Variants in CELF2 observed in about 807,000 individuals in gnomAD.
The protein encoded by CELF2 is CUGBP Elav-like family member 2.
CELF2 carries 8 observed loss-of-function variants against 62.6 expected under a neutral mutation model. That is an observed-to-expected ratio of 0.13 (90% CI 0.07 to 0.23). The LOEUF is 0.23. Among genes scored for constraint, CELF2 ranks in the 10% least tolerant of loss-of-function variants. The pLI is 1.00. For missense variants in CELF2, 333 were observed against 671.0 expected (o/e 0.50, Z 5.56); for synonymous variants, 258 against 250.0 (o/e 1.03, Z -0.30).
At chr10:11,174,729 G>A (rs1419636783) in intron 2 of CELF2, among the ~76,000 whole-genome samples, 1 of 152,176 alleles carries the variant, frequency 6.6e-6, no homozygotes, top group South Asian at 2.1e-4. Context: ...GTCAAAACCT[G>A]TCTCTTTATA....
intron 1 of CELF2, among the ~76,000 whole-genome samples, chr10:10,861,224 C>T (rs960477713): frequency 1.3e-5 from 2 of 151,944 alleles, no homozygotes; most frequent in African/African-American, 2.4e-5. Flanking sequence ...CAGGTGCATC[C>T]CAGCACACTC....
At chr10:11,099,700 T>A (rs2050903909) in intron 1 of CELF2, among the ~76,000 whole-genome samples, 2 of 152,298 alleles carry the variant, frequency 1.3e-5, no homozygotes, top group East Asian at 3.8e-4. Flanking sequence ...GTTACCGTAA[T>A]ATATTTGGCT....
At chr10:11,273,168 C>T (rs2938018) in intron 7 of CELF2, among the ~76,000 whole-genome samples, 111,109 of 151,784 alleles carry the variant, frequency 0.73, 41,698 homozygotes, top group Non-Finnish European at 0.81. Flanking sequence ...TCCCATAATA[C>T]CGTCGTACCT....
chr10:10,514,858 A>G, the CELF2 span, among the ~76,000 whole-genome samples: 3 of 152,168 alleles, frequency 2.0e-5, no homozygotes, highest in Middle Eastern at 3.4e-3. Flanking sequence ...AATTCCTAAA[A>G]CCTCTATTGT....
the CELF2 span, among the ~76,000 whole-genome samples, chr10:10,590,778 T>A: frequency 6.6e-6 from 1 of 152,222 alleles, no homozygotes; most frequent in African/African-American, 2.4e-5. Context: ...AGAAACTTTA[T>A]AAATTCTTCA....
At chr10:10,484,702 T>G in the CELF2 span, among the ~76,000 whole-genome samples, 2 of 152,084 alleles carry the variant, frequency 1.3e-5, no homozygotes, top group Non-Finnish European at 2.9e-5. Context: ...GCTGGTCATG[T>G]GTGCACATTT....
In CELF2 at chr10:11,005,770, G is replaced by A. The variant is rs999918311; in HGVS notation, c.53+330G>A. Among the ~76,000 whole-genome samples, 1 of 152,144 alleles carries A rather than the reference G, an allele frequency of 6.6e-6. No homozygotes were observed. Among genetic ancestry groups the A allele is most frequent in the Non-Finnish European group, 1.5e-5 (1 of 68,022 alleles). Reference sequence around the variant, plus strand: ...TGGATCTTGGTTCGTCTTTTCCTTTGCAATGTCTAAGCCTCTTTCATTTTT... The same window carrying A: ...TGGATCTTGGTTCGTCTTTTCCTTTACAATGTCTAAGCCTCTTTCATTTTT... On this transcript the variant is annotated intron_variant, in intron 1 of 12. Coordinates refer to the CELF2 transcript ENST00000416382. The surrounding 1 kb of genome is among the most constrained non-coding windows in gnomAD (Gnocchi z 4.3).
At chr10:11,096,159 A>C (rs2049825415) in intron 1 of CELF2, 1 of 152,228 alleles carries the variant, frequency 6.6e-6, no homozygotes, top group Admixed American at 6.5e-5. Flanking sequence ...ACCTCTGAAC[A>C]ACTAAAGCTT....
At chr10:10,623,657 C>A in the CELF2 span, among the ~76,000 whole-genome samples, 9 of 152,152 alleles carry the variant, frequency 5.9e-5, no homozygotes, top group African/African-American at 2.2e-4. Context: ...AGCAGATGGA[C>A]CCACGATGAT....
intron 1 of CELF2, among the ~76,000 whole-genome samples, chr10:11,152,547 C>T (rs544150068): frequency 6.6e-6 from 1 of 152,208 alleles, no homozygotes; most frequent in South Asian, 2.1e-4. Context: ...AACTTCCCAC[C>T]CTTTCAACTT....
intron 5 of CELF2, among the ~76,000 whole-genome samples, chr10:11,263,967 T>C (rs2081454380): frequency 6.6e-6 from 1 of 152,196 alleles, no homozygotes; most frequent in South Asian, 2.1e-4. Flanking sequence ...TAAATGACAC[T>C]GTAATTTTTT....
At chr10:10,921,560 G>C (rs557908158) in intron 2 of CELF2, among the ~76,000 whole-genome samples, 1 of 152,334 alleles carries the variant, frequency 6.6e-6, no homozygotes, top group South Asian at 2.1e-4. Context: ...GAGCCACCGT[G>C]CCTGGCCATG....
At chr10:10,703,477 G>C in the CELF2 span, among the ~76,000 whole-genome samples, 1 of 152,186 alleles carries the variant, frequency 6.6e-6, no homozygotes, top group South Asian at 2.1e-4. Flanking sequence ...CCCCACTGGG[G>C]CTCTACGAAG....
the CELF2 span, among the ~76,000 whole-genome samples, chr10:10,549,332 G>A: frequency 6.6e-6 from 1 of 152,286 alleles, no homozygotes; most frequent in East Asian, 1.9e-4. Flanking sequence ...CACCCAGGCT[G>A]GAGTGCAGTG....
the CELF2 span, among the ~76,000 whole-genome samples, chr10:10,570,522 C>T: frequency 6.6e-6 from 1 of 151,506 alleles, no homozygotes; most frequent in Non-Finnish European, 1.5e-5. Flanking sequence ...TAAAAGATTA[C>T]TAAAATGTAA....
chr10:11,140,228 T>C (rs1423915856), intron 1 of CELF2, among the ~76,000 whole-genome samples: 1 of 152,180 alleles, frequency 6.6e-6, no homozygotes, highest in African/African-American at 2.4e-5. Flanking sequence ...ATTTCATCTT[T>C]TGATGTTGGT....
chr10:11,264,366 C>T (rs935899050), intron 5 of CELF2, among the ~76,000 whole-genome samples: 4 of 152,198 alleles, frequency 2.6e-5, no homozygotes, highest in Admixed American at 6.5e-5. Flanking sequence ...ATGTTTCTTA[C>T]GCATTTTTAC....
chr10:10,620,267 T>C, the CELF2 span, among the ~76,000 whole-genome samples: 1 of 152,042 alleles, frequency 6.6e-6, no homozygotes, highest in Non-Finnish European at 1.5e-5. Flanking sequence ...GTGTGGTGGC[T>C]CATGCCTGGA....
At chr10:11,142,327 T>A (rs755172226) in intron 1 of CELF2, among the ~76,000 whole-genome samples, 5 of 152,014 alleles carry the variant, frequency 3.3e-5, no homozygotes, top group Non-Finnish European at 7.4e-5. Context: ...GAAAATAGGG[T>A]AAGAACTGAA....
Sources: allele counts gnomAD v4.1 joint callset (sites outside exome capture counted in the v4.1 genomes callset), GRCh38; gene constraint gnomAD v4.1.1; non-coding constraint Gnocchi (gnomAD v3.1); transcripts MANE v1.5; gene names NCBI Gene and HGNC (gene_info 2026-07-23, HGNC 2026-07-21).